Variants in CCDC60 observed in about 807,000 individuals in gnomAD.
CCDC60 encodes coiled-coil domain-containing protein 60.
A neutral mutation model predicts 63.5 loss-of-function variants in CCDC60; 54 were observed. The ratio of observed to expected loss-of-function variants is 0.85; its 90% CI spans 0.68 to 1.07. CCDC60 has a LOEUF of 1.07. CCDC60 is among the 50% of genes least tolerant of loss of function. The pLI is 0.00. For missense variants in CCDC60, 651 were observed against 684.3 expected (o/e 0.95, Z 0.54); for synonymous variants, 206 against 238.8 (o/e 0.86, Z 1.27).
intron 1 of CCDC60, among the ~76,000 whole-genome samples, chr12:119,387,815 G>T (rs976674011): frequency 1.3e-5 from 2 of 152,042 alleles, no homozygotes; most frequent in African/African-American, 4.8e-5. Flanking sequence ...TATTTCCCTA[G>T]GTCCCCTCTG....
At chr12:119,406,458 A>G (rs753619278) in intron 1 of CCDC60, among the ~76,000 whole-genome samples, 13 of 152,134 alleles carry the variant, frequency 8.5e-5, no homozygotes, top group Non-Finnish European at 1.5e-4. Flanking sequence ...TCATCCACTC[A>G]CTGAACAAAT....
chr12:119,475,823 C>T (rs1015638694), intron 3 of CCDC60, among the ~76,000 whole-genome samples: 1 of 152,152 alleles, frequency 6.6e-6, no homozygotes, highest in African/African-American at 2.4e-5. Flanking sequence ...ATAAGACATG[C>T]TCAGTAATTG....
At position 119,520,117 on chromosome 12, in the gene CCDC60, G is replaced by A; in HGVS notation, c.969-4G>A. The A allele has an allele frequency of 6.2e-7, 1 of 1,613,166 alleles. No homozygotes were observed. Reference sequence around the variant, plus strand: ...CTTGTTAAAGGACTCATTTTGCCTTGCAGCATCTTGTCAGTGCTGAAACAA... The same window carrying A: ...CTTGTTAAAGGACTCATTTTGCCTTACAGCATCTTGTCAGTGCTGAAACAA... On this transcript the variant is annotated splice_polypyrimidine_tract_variant and splice_region_variant and intron_variant, in intron 8 of 13. Transcript: ENST00000327554.
chr12:119,394,206 C>T (rs751111004), intron 1 of CCDC60, among the ~76,000 whole-genome samples: 19 of 152,182 alleles, frequency 1.2e-4, no homozygotes, highest in Non-Finnish European at 2.1e-4. Context: ...AATGAGAACA[C>T]AGAGGCTCAG....
chr12:119,397,706 C>T (rs952236890), intron 1 of CCDC60, among the ~76,000 whole-genome samples: 44 of 124,920 alleles, frequency 3.5e-4, no homozygotes, highest in Admixed American at 1.0e-3. Flanking sequence ...AGTCCCACCC[C>T]GCTGCCTGCA....
At chr12:119,451,221 T>C (rs1380107485) in intron 2 of CCDC60, among the ~76,000 whole-genome samples, 2 of 152,230 alleles carry the variant, frequency 1.3e-5, no homozygotes, top group Non-Finnish European at 2.9e-5. Context: ...AGGGAGATAA[T>C]TGGTGCAAGG....
rs992954172 is a variant in CCDC60, at chr12:119,383,935, G to A, written c.91-44748G>A. Among the ~76,000 whole-genome samples, 10 of 152,310 alleles carry A rather than the reference G, an allele frequency of 6.6e-5. 1 individual carries two copies. The highest frequency in any genetic ancestry group is 6.8e-3 in the Middle Eastern group (2 of 294). On this transcript the variant is annotated intron_variant, in intron 1 of 13. Transcript: ENST00000327554. ...ACCTAGGCCGGGCGCGGTGGCTCAC[G>A]CCTGTAATCCCAGCACTTTGAGAGG...
intron 1 of CCDC60, among the ~76,000 whole-genome samples, chr12:119,383,858 G>A (rs1956033362): frequency 6.6e-6 from 1 of 152,152 alleles, no homozygotes; most frequent in Non-Finnish European, 1.5e-5. Context: ...AAGACTTGGG[G>A]TGTCCATGGG....
chr12:119,486,299 G>T (rs1238632569), intron 4 of CCDC60, among the ~76,000 whole-genome samples: 1 of 152,178 alleles, frequency 6.6e-6, no homozygotes, highest in African/African-American at 2.4e-5. Context: ...AGCTTTGGGA[G>T]GCCAAGGCAG....
intron 13 of CCDC60, among the ~76,000 whole-genome samples, chr12:119,536,639 T>C (rs1459333713): frequency 1.3e-5 from 2 of 152,174 alleles, no homozygotes. Context: ...ACCATTTGCT[T>C]GTCTGTAAAG....
At chr12:119,504,104 A>G (rs1951927566) in intron 6 of CCDC60, among the ~76,000 whole-genome samples, 1 of 152,132 alleles carries the variant, frequency 6.6e-6, no homozygotes, top group Non-Finnish European at 1.5e-5. Flanking sequence ...GATAAAGGGC[A>G]TTTTCGATGT....
intron 1 of CCDC60, among the ~76,000 whole-genome samples, chr12:119,411,622 A>T (rs761926463): frequency 6.6e-6 from 1 of 152,098 alleles, no homozygotes; most frequent in Non-Finnish European, 1.5e-5. Context: ...TCTGCCCTAT[A>T]GGTGTTTCAG....
chr12:119,486,044 T>A (rs190425503), intron 4 of CCDC60, among the ~76,000 whole-genome samples: 1 of 152,106 alleles, frequency 6.6e-6, no homozygotes, highest in African/African-American at 2.4e-5. Flanking sequence ...GAAGAACCCA[T>A]AGGCCTCTCC....
intron 1 of CCDC60, among the ~76,000 whole-genome samples, chr12:119,413,931 T>C (rs1956651845): frequency 6.6e-6 from 1 of 152,146 alleles, no homozygotes; most frequent in African/African-American, 2.4e-5. Flanking sequence ...TACAGTCCTT[T>C]AGCTGCTTGT....
intron 1 of CCDC60, among the ~76,000 whole-genome samples, chr12:119,387,653 A>G (rs1353325212): frequency 6.6e-6 from 1 of 152,162 alleles, no homozygotes; most frequent in Non-Finnish European, 1.5e-5. Context: ...TTTGTTTTTC[A>G]TAAATGGGAT....
intron 1 of CCDC60, among the ~76,000 whole-genome samples, 159 bp downstream of exon 1, chr12:119,335,425 A>C (rs1955460903): frequency 6.6e-6 from 1 of 151,582 alleles, no homozygotes; most frequent in South Asian, 2.1e-4. Context: ...ACAGTGTAAA[A>C]GTGTTCCTAT....
chr12:119,342,680 A>C (rs1955544866), intron 1 of CCDC60, among the ~76,000 whole-genome samples: 1 of 152,248 alleles, frequency 6.6e-6, no homozygotes, highest in Non-Finnish European at 1.5e-5. Flanking sequence ...TTATTCACTC[A>C]ACTAACATGT....
intron 4 of CCDC60, among the ~76,000 whole-genome samples, chr12:119,484,255 G>C (rs1249773212): frequency 6.6e-6 from 1 of 152,100 alleles, no homozygotes; most frequent in Non-Finnish European, 1.5e-5. Context: ...TTCTTCACAG[G>C]ATTTTATAAG....
intron 2 of CCDC60, among the ~76,000 whole-genome samples, chr12:119,455,837 AGAAG>A (rs199516173): frequency 0.01 from 1,507 of 149,578 alleles, 24 homozygotes; most frequent in African/African-American, 0.034. Flanking sequence ...AAGGAGAAGA[AGAAG>A]GAAGGAAGGA....
Sources: gnomAD v4.1 joint callset for allele counts (sites outside exome capture counted in the v4.1 genomes callset) on GRCh38, gnomAD v4.1.1 for gene constraint, MANE v1.5 for transcripts, NCBI Gene and HGNC (gene_info 2026-07-23, HGNC 2026-07-21) for gene names.